Variants in MVB12A observed in about 807,000 individuals in gnomAD.
The protein encoded by MVB12A is CIN85/CD2AP family binding protein.
Under a neutral mutation model 34.3 loss-of-function variants are expected in MVB12A, and 30 were observed. That is an observed-to-expected ratio of 0.88 (90% CI 0.65 to 1.19). The LOEUF (loss-of-function observed/expected upper bound fraction) is 1.19, where lower values mean the gene tolerates loss of function less well. MVB12A is among the 50% of genes most tolerant of loss of function. The probability of loss-of-function intolerance (pLI) is 0.00; values close to 1 mark genes in which losing one functional copy is unlikely to be tolerated. For missense variants in MVB12A, 355 were observed against 369.2 expected, an observed-to-expected ratio of 0.96 and a Z score of 0.31; for synonymous variants, 158 against 158.9, an observed-to-expected ratio of 0.99 and a Z score of 0.04.
At chr19:17,410,525 T>TACACACACACACACACACAC (rs1390922508) in intron 2 of MVB12A, among the ~76,000 whole-genome samples, 1 of 75,166 alleles carries the variant, frequency 1.3e-5, no homozygotes, top group African/African-American at 6.6e-5. Context: ...TATATATATA[T>TACACACACACACACACACAC]ATATACACAC....
chr19:17,418,299 T>C (rs1193089540), upstream of MVB12A: 3 of 192,780 alleles, frequency 1.6e-5, no homozygotes, highest in East Asian at 3.6e-4. Flanking sequence ...CCTGACTGTA[T>C]TGTTTGCTAG....
intron 2 of MVB12A, among the ~76,000 whole-genome samples, chr19:17,410,972 TATTTA>T (rs1248657980): frequency 2.7e-5 from 4 of 149,730 alleles, no homozygotes; most frequent in Non-Finnish European, 5.9e-5. Context: ...TATTTTATTT[TATTTA>T]TTTATTTTTG....
upstream of MVB12A, chr19:17,417,764 A>C (rs1196913681): frequency 4.5e-6 from 1 of 223,100 alleles, no homozygotes; most frequent in East Asian, 1.2e-4. Flanking sequence ...TCCCGATCCT[A>C]GTGTACTTTA....
chr19:17,422,541 T>A, intron 4 of MVB12A, 83 bp downstream of exon 4: 4 of 1,359,952 alleles, frequency 2.9e-6, no homozygotes, highest in Non-Finnish European at 4.0e-6. Flanking sequence ...AGGACACCCC[T>A]GAGGTCTCCT....
chr19:17,411,663 G>C (rs2074770149), intron 2 of MVB12A, among the ~76,000 whole-genome samples: 1 of 151,372 alleles, frequency 6.6e-6, no homozygotes, highest in East Asian at 1.9e-4. Flanking sequence ...GCCCAGCTAA[G>C]TTTTGTATTG....
upstream of MVB12A, chr19:17,417,453 A>C (rs2074808182): frequency 6.6e-6 from 1 of 151,768 alleles, no homozygotes; most frequent in African/African-American, 2.4e-5. Context: ...TAAAAATACA[A>C]AAATTAGCCA....
intron 3 of MVB12A, 85 bp from the exon 4 acceptor site, chr19:17,422,247 T>A: frequency 2.2e-6 from 3 of 1,352,122 alleles, no homozygotes; most frequent in Non-Finnish European, 3.0e-6. Flanking sequence ...AACAGCACCC[T>A]GGCGAGCCTC....
upstream of MVB12A, among the ~76,000 whole-genome samples, chr19:17,416,706 T>G (rs975071006): frequency 1.1e-4 from 16 of 143,126 alleles, no homozygotes; most frequent in Non-Finnish European, 2.2e-4. Flanking sequence ...CTGTGCCTGG[T>G]CTCAACCACC....
At position 17,423,772 on chromosome 19, in the gene MVB12A, G is replaced by C; in HGVS notation, c.613G>C (p.Glu205Gln). Residue 205 changes from glutamate (E) to glutamine (Q), a missense_variant, in exon 6 of 9, where the codon GAG becomes CAG. Glu to Gln is a conservative substitution (Grantham distance 29). Transcript: ENST00000317040. ...TCTGCGGAGGAATGACTCCATCTAC[G>C]AGGCCTCCAGCCTCTATGGCATCTC... ...STLRRNDSIY[E>Q]ASSLYGISAM... The C allele has an allele frequency of 1.2e-6, 2 of 1,613,974 alleles. No homozygotes were observed. Among genetic ancestry groups the C allele is most frequent in the Non-Finnish European group, 1.7e-6 (2 of 1,179,914 alleles).
chr19:17,406,728 C>T (rs533823472), intron 2 of MVB12A, among the ~76,000 whole-genome samples: 25 of 152,202 alleles, frequency 1.6e-4, no homozygotes, highest in African/African-American at 4.1e-4. Context: ...GAGGATCACT[C>T]GAGCCCAGGA....
At chr19:17,424,860 C>A in intron 8 of MVB12A, 71 bp from the exon 9 acceptor site, 2 of 1,251,612 alleles carry the variant, frequency 1.6e-6, no homozygotes, top group Admixed American at 1.9e-5. Context: ...CTCTGCCATT[C>A]CTCAGTCACT....
At chr19:17,416,109 G>T (rs914529810), upstream of MVB12A, among the ~76,000 whole-genome samples, 21 of 152,276 alleles carry the variant, frequency 1.4e-4, no homozygotes, top group African/African-American at 5.1e-4. Flanking sequence ...TTGAGACGGA[G>T]TCTTGCTCTG....
At chr19:17,407,889 C>T (rs1396203148) in intron 2 of MVB12A, among the ~76,000 whole-genome samples, 2 of 152,218 alleles carry the variant, frequency 1.3e-5, no homozygotes, top group East Asian at 1.9e-4. Flanking sequence ...GACCACTGTC[C>T]GCTCGGGCAA....
At chr19:17,420,655 G>C (rs765950113) in intron 3 of MVB12A, 21 bp downstream of exon 3, 2 of 1,558,380 alleles carry the variant, frequency 1.3e-6, no homozygotes, top group Non-Finnish European at 8.9e-7. Flanking sequence ...CTTCGGAGGC[G>C]AGAGTTGTCC....
chr19:17,423,573 C>A lies in MVB12A; in HGVS notation c.489C>A (p.Ser163Arg). The change falls in exon 5 of 9, where the codon AGC becomes AGA. Residue 163 changes from serine to arginine, a missense_variant. Physicochemically the swap from Ser to Arg is moderately radical, Grantham distance 110. Transcript: ENST00000317040. Reference protein sequence around the residue: ...PRPVPKPRGLSRDMQGLSLDA... With the variant: ...PRPVPKPRGLRRDMQGLSLDA... ...CAGTGCCCAAGCCCCGAGGTCTCAG[C>A]CGGGACATGCAGGGCCTCTCTCTGG... The A allele has an allele frequency of 6.2e-7, 1 of 1,614,110 alleles. No homozygotes were observed. The highest frequency in any genetic ancestry group is 8.5e-7 in the Non-Finnish European group (1 of 1,180,026).
chr19:17,417,191 C>G (rs2074805618), upstream of MVB12A: 1 of 181,864 alleles, frequency 5.5e-6, no homozygotes, highest in Admixed American at 5.7e-5. Flanking sequence ...GTCACTTCAG[C>G]TATTCCACAT....
chr19:17,423,356 TCCCCAAAAAAAAAAAAAAAAAAAATTC>T, intron 4 of MVB12A, 115 bp from the exon 5 acceptor site: 4 of 984,748 alleles, frequency 4.1e-6, no homozygotes, highest in Non-Finnish European at 5.7e-6. Context: ...CGAAACTCCG[TCCCCAAAAAAAAAAAAAAAAAAAATTC>T]CCCCAAAAGA....
intron 2 of MVB12A, among the ~76,000 whole-genome samples, chr19:17,412,393 A>T (rs2074774898): frequency 6.6e-6 from 1 of 152,146 alleles, no homozygotes; most frequent in Non-Finnish European, 1.5e-5. Flanking sequence ...CAGCCTCCCA[A>T]GTAGGTGGGA....
rs781647826 is a variant in MVB12A at position 17,423,713 on chromosome 19, G to A, written c.554G>A (p.Arg185Gln). ...TCCAGTAAGGGCGGCCTCCTGGAGC[G>A]GACAGCGTCAAGGCTGGGCTCTCGG... ...SQPSKGGLLE[R>Q]TASRLGSRAS... The change falls in exon 6 of 9, where the codon CGG (arginine) becomes CAG (glutamine). Residue 185 changes from arginine to glutamine, a missense_variant. Arg to Gln is a conservative substitution (Grantham distance 43). Coordinates refer to ENST00000317040, the MANE Select transcript of MVB12A (RefSeq NM_138401.4). The A allele has an allele frequency of 2.7e-5, 44 of 1,613,808 alleles. 1 individual carries two copies. The South Asian group carries it at 3.5e-4, about 13-fold the overall frequency.
Sources: gnomAD v4.1 joint callset for allele counts (sites outside exome capture counted in the v4.1 genomes callset) on GRCh38, gnomAD v4.1.1 for gene constraint, MANE v1.5 for transcripts, NCBI Gene and HGNC (gene_info 2026-07-23, HGNC 2026-07-21) for gene names.